Variants in PIK3C2G observed in about 807,000 individuals in gnomAD.
PIK3C2G encodes phosphatidylinositol 3-kinase C2 domain-containing subunit gamma.
A neutral mutation model predicts 181.1 loss-of-function variants in PIK3C2G; 168 were observed. That is an observed-to-expected ratio of 0.93 (90% CI 0.82 to 1.05). The LOEUF is 1.05. PIK3C2G is among the 50% of genes least tolerant of loss of function. PIK3C2G has a pLI of 0.00. For synonymous variants in PIK3C2G, 573 were observed against 592.2 expected (o/e 0.97, Z 0.47); for missense variants, 1,869 against 1,732.8 (o/e 1.08, Z -1.40).
At chr12:18,542,937 CT>C (rs1449562797) in intron 25 of PIK3C2G, among the ~76,000 whole-genome samples, 1 of 151,932 alleles carries the variant, frequency 6.6e-6, no homozygotes, top group Non-Finnish European at 1.5e-5. Context: ...AATGGTAGTT[CT>C]GCTTTTAGCT....
intron 16 of PIK3C2G, among the ~76,000 whole-genome samples, chr12:18,418,049 A>T (rs1411051381): frequency 6.6e-6 from 1 of 152,220 alleles, no homozygotes. Flanking sequence ...TGATCAATGC[A>T]TTTTTATTCA....
chr12:18,453,760 G>T (rs1947486850), intron 18 of PIK3C2G, among the ~76,000 whole-genome samples: 2 of 151,910 alleles, frequency 1.3e-5, no homozygotes, highest in African/African-American at 4.8e-5. Flanking sequence ...AAAGTAATTT[G>T]CTATCAAAAA....
chr12:18,245,347 T>A (rs532301688), upstream of PIK3C2G, among the ~76,000 whole-genome samples: 11 of 152,170 alleles, frequency 7.2e-5, no homozygotes, highest in African/African-American at 2.6e-4. Flanking sequence ...AATTAAACAC[T>A]GGGAAAAAAC....
At chr12:18,519,077 A>G (rs2136172930) in intron 24 of PIK3C2G, among the ~76,000 whole-genome samples, 1 of 152,298 alleles carries the variant, frequency 6.6e-6, no homozygotes, top group Non-Finnish European at 1.5e-5. Context: ...TTCTAATTTG[A>G]TTGCACTGTG....
chr12:18,543,857 T>A (rs1409026592), intron 25 of PIK3C2G, among the ~76,000 whole-genome samples: 1 of 151,880 alleles, frequency 6.6e-6, no homozygotes, highest in African/African-American at 2.4e-5. Flanking sequence ...ATCTAGCTAT[T>A]TACAAAGTGC....
At chr12:18,293,073 A>G (rs1949781660) in intron 4 of PIK3C2G, among the ~76,000 whole-genome samples, 1 of 152,206 alleles carries the variant, frequency 6.6e-6, no homozygotes, top group African/African-American at 2.4e-5. Context: ...CACTTAATAG[A>G]GTAATTGCTC....
intron 12 of PIK3C2G, among the ~76,000 whole-genome samples, chr12:18,364,002 T>G (rs1463102955): frequency 1.3e-5 from 2 of 152,144 alleles, no homozygotes; most frequent in Non-Finnish European, 2.9e-5. Flanking sequence ...TAGAATCAAC[T>G]CTGCTTGTAA....
At chr12:18,422,122 G>A (rs1239826516) in intron 17 of PIK3C2G, among the ~76,000 whole-genome samples, 1 of 152,034 alleles carries the variant, frequency 6.6e-6, no homozygotes. Context: ...GTCTCTATCT[G>A]AGTAAGTACA....
chr12:18,255,920 G>A (rs1293744272), intron 1 of PIK3C2G, among the ~76,000 whole-genome samples: 2 of 151,624 alleles, frequency 1.3e-5, no homozygotes, highest in East Asian at 4.0e-4. Context: ...GATTATCGAG[G>A]AAGAATTATG....
chr12:18,415,311 AT>A (rs1945113195), intron 16 of PIK3C2G, among the ~76,000 whole-genome samples: 1 of 152,166 alleles, frequency 6.6e-6, no homozygotes, highest in South Asian at 2.1e-4. Context: ...CATTGTTATT[AT>A]TATATCTGTT....
chr12:18,490,134 T>C (rs1940422845), intron 19 of PIK3C2G, among the ~76,000 whole-genome samples: 1 of 152,118 alleles, frequency 6.6e-6, no homozygotes, highest in Non-Finnish European at 1.5e-5. Context: ...ATACTTTACT[T>C]AAATGAAGGG....
chr12:18,505,392 C>G lies in PIK3C2G; in HGVS notation c.3254C>G (p.Ser1085Trp), dbSNP rs560894742. ...RHNDNIMLTKSGHMFHIDFGK... is the reference protein window; with the variant it reads ...RHNDNIMLTKWGHMFHIDFGK... ...AATGATAATATCATGCTGACAAAGT[C>G]GGGCCACATGTTTCATATTGACTTT... Residue 1085 changes from serine to tryptophan, a missense_variant, in exon 24 of 33, where the codon TCG becomes TGG. Physicochemically the swap from Ser to Trp is radical, Grantham distance 177. Transcript: ENST00000538779. 6.2e-7 allele frequency: 1 copy of G among 1,613,184 alleles called. No individual in the cohort carries two copies. Among genetic ancestry groups the G allele is most frequent in the Admixed American group, 1.7e-5 (1 of 59,938 alleles).
chr12:18,447,426 T>C (rs987251412), intron 18 of PIK3C2G, among the ~76,000 whole-genome samples: 1 of 152,220 alleles, frequency 6.6e-6, no homozygotes, highest in Non-Finnish European at 1.5e-5. Flanking sequence ...ATTTTCTTTT[T>C]AAAATAAAAG....
At chr12:18,404,603 G>C (rs1489566057) in intron 16 of PIK3C2G, among the ~76,000 whole-genome samples, 1 of 152,214 alleles carries the variant, frequency 6.6e-6, no homozygotes, top group African/African-American at 2.4e-5. Flanking sequence ...GAGAAGCGGG[G>C]AAATGACATT....
At chr12:18,668,873 T>A in the PIK3C2G span, among the ~76,000 whole-genome samples, 1 of 152,140 alleles carries the variant, frequency 6.6e-6, no homozygotes, top group Admixed American at 6.6e-5. Context: ...ACAAAAATTC[T>A]GATGGATCTT....
chr12:18,310,030 G>A (rs1950575205), intron 5 of PIK3C2G, among the ~76,000 whole-genome samples: 1 of 151,702 alleles, frequency 6.6e-6, no homozygotes, highest in Non-Finnish European at 1.5e-5. Context: ...GAAAGTCAGT[G>A]TTTCTATGAA....
chr12:18,701,059 A>C, the PIK3C2G span, among the ~76,000 whole-genome samples: 4 of 151,418 alleles, frequency 2.6e-5, no homozygotes, highest in Admixed American at 6.6e-5. Flanking sequence ...ATCTCGGCTC[A>C]CTGCAACATC....
intron 29 of PIK3C2G, among the ~76,000 whole-genome samples, chr12:18,573,528 C>A (rs1425723145): frequency 6.6e-6 from 1 of 152,210 alleles, no homozygotes; most frequent in Non-Finnish European, 1.5e-5. Context: ...AAATCCTGGA[C>A]CCACATTCCT....
upstream of PIK3C2G, among the ~76,000 whole-genome samples, chr12:18,259,924 C>T (rs4267119): frequency 0.35 from 52,692 of 151,876 alleles, 9,653 homozygotes; most frequent in Non-Finnish European, 0.41. Flanking sequence ...TTAGAAGAAG[C>T]TTAATTGTTC....
Sources: gnomAD v4.1 joint callset for allele counts (sites outside exome capture counted in the v4.1 genomes callset) on GRCh38, gnomAD v4.1.1 for gene constraint, MANE v1.5 for transcripts, NCBI Gene and HGNC (gene_info 2026-07-23, HGNC 2026-07-21) for gene names.